The following NPIPB8 variants were observed in gnomAD, a reference collection of about 807,000 sequenced individuals.
The protein encoded by NPIPB8 is nuclear pore complex interacting protein family member B8.
In NPIPB8, 3 loss-of-function variants were observed where a neutral mutation model predicts 5.3. The observed-to-expected ratio is 0.57, with a 90% CI of 0.26 to 1.47. The LOEUF is 1.47. Ranked by LOEUF, NPIPB8 falls within the 40% of genes most tolerant of loss-of-function variation. The probability of loss-of-function intolerance (pLI) is 0.13; values close to 1 mark genes in which losing one functional copy is unlikely to be tolerated. For missense variants in NPIPB8, 50 were observed against 50.2 expected (o/e 1.00, Z 0.01); for synonymous variants, 18 against 23.0 (o/e 0.78, Z 0.62).
intron 5 of NPIPB8, among the ~76,000 whole-genome samples, chr16:28,652,780 T>C (rs1190065167): frequency 7.2e-6 from 1 of 137,976 alleles, no homozygotes; most frequent in Non-Finnish European, 1.6e-5. Flanking sequence ...TTTTGTATTT[T>C]TACTAGAGAT....
intron 2 of NPIPB8, among the ~76,000 whole-genome samples, chr16:28,642,082 C>A (rs564253018): frequency 6.7e-6 from 1 of 149,844 alleles, no homozygotes; most frequent in South Asian, 2.1e-4. Context: ...CCTTTTATAA[C>A]CAACACAACC....
At chr16:28,639,446 T>TAC (rs2047853380) in intron 2 of NPIPB8, among the ~76,000 whole-genome samples, 2 of 81,274 alleles carry the variant, frequency 2.5e-5, no homozygotes, top group African/African-American at 8.9e-5. Context: ...CACACACACA[T>TAC]ATATATATAT....
chr16:28,641,194 G>A (rs535230434), intron 2 of NPIPB8, among the ~76,000 whole-genome samples: 9 of 151,722 alleles, frequency 5.9e-5, no homozygotes, highest in Non-Finnish European at 1.3e-4. Context: ...GGACACAGAG[G>A]TCTTAGAGAG....
intron 5 of NPIPB8, among the ~76,000 whole-genome samples, chr16:28,652,715 T>C (rs371988816): frequency 0.081 from 7,629 of 94,234 alleles, 247 homozygotes; most frequent in Non-Finnish European, 0.091. Flanking sequence ...AATTCTCCTG[T>C]CTCAGCCTCC....
chr16:28,644,359 C>A (rs1403752305), intron 2 of NPIPB8, among the ~76,000 whole-genome samples: 2 of 114,444 alleles, frequency 1.7e-5, no homozygotes, highest in Non-Finnish European at 3.6e-5. Context: ...TTCTCCTCCT[C>A]CTCCTCCACC....
At chr16:28,640,692 C>G (rs535531473) in intron 2 of NPIPB8, among the ~76,000 whole-genome samples, 1 of 152,272 alleles carries the variant, frequency 6.6e-6, no homozygotes, top group Non-Finnish European at 1.5e-5. Context: ...TTTGCTTTAT[C>G]TTCAGCCAGG....
At chr16:28,642,098 C>A (rs1478931552) in intron 2 of NPIPB8, among the ~76,000 whole-genome samples, 1 of 141,478 alleles carries the variant, frequency 7.1e-6, no homozygotes, top group African/African-American at 2.9e-5. Context: ...CAACCGAAAT[C>A]TAGGGCTTCT....
Position 28,642,983 on chromosome 16 carries a change from C to T in NPIPB8, c.120+4503C>T, listed in dbSNP as rs576361023. Among the ~76,000 whole-genome samples, 16 of 152,262 alleles carry T rather than the reference C, an allele frequency of 1.1e-4. No homozygotes were observed. The East Asian group carries it at 1.5e-3, about 15-fold the overall frequency. On this transcript the variant is annotated intron_variant, in intron 2 of 7. Coordinates refer to ENST00000683297, the MANE Select transcript of NPIPB8 (RefSeq NM_001310136.2). ...TTTGGGCATACTCTGTGTGATCGGG[C>T]GGAAGGCCTGTGGGAAGTTTAGCTG...
intron 2 of NPIPB8, among the ~76,000 whole-genome samples, chr16:28,639,405 A>G (rs1260802165): frequency 6.8e-6 from 1 of 146,788 alleles, no homozygotes; most frequent in Non-Finnish European, 1.5e-5. Context: ...AGATACACAC[A>G]CACACACACA....
intron 2 of NPIPB8, among the ~76,000 whole-genome samples, chr16:28,645,084 C>T (rs1442566122): frequency 7.8e-6 from 1 of 128,666 alleles, no homozygotes; most frequent in African/African-American, 2.9e-5. Flanking sequence ...CATTCTGTCG[C>T]CCAGGCTGGA....
At chr16:28,642,682 C>A (rs2047924912) in intron 2 of NPIPB8, among the ~76,000 whole-genome samples, 2 of 151,286 alleles carry the variant, frequency 1.3e-5, no homozygotes, top group South Asian at 2.1e-4. Context: ...CAGGGTTTCA[C>A]CATATTGGCC....
chr16:28,642,629 T>C (rs9796953), intron 2 of NPIPB8, among the ~76,000 whole-genome samples: 36,826 of 147,664 alleles, frequency 0.25, 4,903 homozygotes, highest in Non-Finnish European at 0.28. Flanking sequence ...GGACTACAGG[T>C]GCCCACCACC....
intron 2 of NPIPB8, among the ~76,000 whole-genome samples, 164 bp downstream of exon 2, chr16:28,638,644 G>C (rs1003735930): frequency 2.7e-5 from 4 of 150,914 alleles, no homozygotes; most frequent in Non-Finnish European, 4.4e-5. Context: ...ATGGGGTAAA[G>C]TAGTTGACTT....
intron 2 of NPIPB8, among the ~76,000 whole-genome samples, chr16:28,642,868 G>C (rs948182146): frequency 3.3e-5 from 5 of 152,134 alleles, no homozygotes; most frequent in Admixed American, 2.6e-4. Flanking sequence ...AGCATCAATA[G>C]AATATTTCCT....
intron 2 of NPIPB8, among the ~76,000 whole-genome samples, chr16:28,639,368 A>G (rs185359725): frequency 6.7e-6 from 1 of 150,130 alleles, no homozygotes; most frequent in East Asian, 1.9e-4. Context: ...AATCTCAAAA[A>G]TGATCTTTTA....
intron 1 of NPIPB8, 78 bp from the exon 2 acceptor site, chr16:28,638,245 C>T: frequency 8.6e-6 from 13 of 1,508,266 alleles, no homozygotes; most frequent in Non-Finnish European, 9.6e-6. Context: ...AGCCCCTATG[C>T]TCTTGACCAC....
intron 2 of NPIPB8, among the ~76,000 whole-genome samples, chr16:28,639,134 C>A (rs2047846157): frequency 6.9e-6 from 1 of 145,896 alleles, no homozygotes. Context: ...TTCTAAACTA[C>A]TTTTTAACAT....
chr16:28,651,012 G>C (rs1214482429), intron 3 of NPIPB8, among the ~76,000 whole-genome samples: 132 of 106,716 alleles, frequency 1.2e-3, no homozygotes, highest in Non-Finnish European at 2.1e-3. Flanking sequence ...TTGAGACGGA[G>C]TCTCACTCTG....
chr16:28,653,134 A>G (rs1423627745), intron 5 of NPIPB8, among the ~76,000 whole-genome samples: 9 of 109,808 alleles, frequency 8.2e-5, no homozygotes, highest in African/African-American at 3.4e-4. Context: ...GTGCAGTGGC[A>G]TGATCTTGGC....
Sources: gnomAD v4.1 joint callset for allele counts (sites outside exome capture counted in the v4.1 genomes callset) on GRCh38, gnomAD v4.1.1 for gene constraint, MANE v1.5 for transcripts, NCBI Gene and HGNC (gene_info 2026-07-23, HGNC 2026-07-21) for gene names.